C12orf56: variants seen among roughly 807,000 people sequenced by gnomAD.
C12orf56 encodes uncharacterized protein C12orf56.
C12orf56 carries 71 observed loss-of-function variants against 69.9 expected under a neutral mutation model. That is an observed-to-expected ratio of 1.02 (90% CI 0.84 to 1.24). The LOEUF (loss-of-function observed/expected upper bound fraction) is 1.24. Among genes scored for constraint, C12orf56 ranks in the 50% most tolerant of loss-of-function variants. The pLI is 0.00. For missense variants in C12orf56, 732 were observed against 738.5 expected (o/e 0.99, Z 0.10); for synonymous variants, 276 against 274.1 (o/e 1.01, Z -0.07).
chr12:64,368,435 A>G (rs1456837219), intron 1 of C12orf56, among the ~76,000 whole-genome samples: 1 of 152,054 alleles, frequency 6.6e-6, no homozygotes, highest in African/African-American at 2.4e-5. Context: ...GGAGTTTCTT[A>G]TCAAAGGCCT....
At position 64,331,008 on chromosome 12, in the gene C12orf56, G is replaced by T. The variant is rs1423154273; in HGVS notation, c.440C>A (p.Ala147Asp). ...TCTGGACTCTTTGCTTCTCCAAAAG[G>T]CAAGGCCGTTCTTTTCTTCCTTGAC... is the stretch of plus-strand genomic sequence containing the variant. ...KKVKEEKNGLAFWRSKESRSL... is the reference protein window; with the variant it reads ...KKVKEEKNGLDFWRSKESRSL... The change falls in exon 3 of 13, where the codon GCC becomes GAC. Residue 147 changes from alanine (A) to aspartate (D), a missense_variant. Physicochemically the swap from Ala to Asp is moderately radical, Grantham distance 126. Transcript: ENST00000543942. 6.4e-6 allele frequency: 10 copies of T among 1,553,202 alleles called. No homozygotes were observed. The highest frequency in any genetic ancestry group is 7.8e-6 in the Non-Finnish European group (9 of 1,148,088).
intron 8 of C12orf56, among the ~76,000 whole-genome samples, chr12:64,283,049 G>A (rs952978239): frequency 2.0e-5 from 3 of 151,942 alleles, no homozygotes; most frequent in Non-Finnish European, 4.4e-5. Flanking sequence ...GGCTGAGGCA[G>A]GAGAACCACT....
chr12:64,323,839 T>C (rs1477401783), intron 3 of C12orf56, among the ~76,000 whole-genome samples: 1 of 152,164 alleles, frequency 6.6e-6, no homozygotes, highest in Non-Finnish European at 1.5e-5. Context: ...CCTCTTTTAT[T>C]TTTCTAAATT....
At chr12:64,329,293 C>T (rs527327242) in intron 3 of C12orf56, among the ~76,000 whole-genome samples, 2 of 152,162 alleles carry the variant, frequency 1.3e-5, no homozygotes, top group South Asian at 4.1e-4. Context: ...CACGTAGTTT[C>T]TCTTTCCAGC....
intron 6 of C12orf56, among the ~76,000 whole-genome samples, chr12:64,287,265 A>G (rs1158529512): frequency 1.9e-5 from 1 of 51,802 alleles, no homozygotes; most frequent in Non-Finnish European, 4.4e-5. Context: ...AAAAAAAAAG[A>G]AGAAGAAGAA....
intron 2 of C12orf56, among the ~76,000 whole-genome samples, chr12:64,349,479 C>T (rs143069899): frequency 6.6e-6 from 1 of 152,268 alleles, no homozygotes; most frequent in African/African-American, 2.4e-5. Context: ...AGAAATAGAA[C>T]TACCATTAGA....
intron 2 of C12orf56, among the ~76,000 whole-genome samples, chr12:64,342,620 T>A (rs1042434900): frequency 6.6e-6 from 1 of 152,186 alleles, no homozygotes; most frequent in Non-Finnish European, 1.5e-5. Flanking sequence ...TTCCATTTGA[T>A]GATGGAATGC....
At chr12:64,300,970 G>T (rs779046105) in intron 6 of C12orf56, among the ~76,000 whole-genome samples, 2 of 152,156 alleles carry the variant, frequency 1.3e-5, no homozygotes, top group Non-Finnish European at 2.9e-5. Flanking sequence ...TTTCACGATG[G>T]TGAGGGAGTC....
At chr12:64,334,860 T>C (rs957952419) in intron 2 of C12orf56, among the ~76,000 whole-genome samples, 1 of 152,194 alleles carries the variant, frequency 6.6e-6, no homozygotes, top group Non-Finnish European at 1.5e-5. Flanking sequence ...GCCTGTAAGG[T>C]CTTTTCTGTT....
chr12:64,370,992 C>T (rs1043242905), intron 1 of C12orf56, among the ~76,000 whole-genome samples: 1 of 152,010 alleles, frequency 6.6e-6, no homozygotes, highest in African/African-American at 2.4e-5. Context: ...AGAGTGAGAC[C>T]CCATCTCTAA....
At chr12:64,293,025 C>G (rs2038313439) in intron 6 of C12orf56, among the ~76,000 whole-genome samples, 1 of 151,670 alleles carries the variant, frequency 6.6e-6, no homozygotes, top group African/African-American at 2.4e-5. Flanking sequence ...GTAGGACCCT[C>G]CGAGCCAGGT....
rs1565774573 is a variant in C12orf56, at chr12:64,360,896, G to T, written c.253-7840C>A. The stretch of plus-strand genomic sequence containing the variant: ...TATATCACACCATTTATATACATTT[G>T]ATAAATCAACTCTTTTAAGTGTAAT... On this transcript the variant is annotated intron_variant, in intron 1 of 12. Transcript: ENST00000543942. 2.0e-5 allele frequency among the ~76,000 whole-genome samples: 3 copies of T among 152,078 alleles called. No individual in the cohort carries two copies. The South Asian group carries it at 6.2e-4, about 31-fold the overall frequency.
chr12:64,340,776 C>G (rs1469739158), intron 2 of C12orf56, among the ~76,000 whole-genome samples: 1 of 152,208 alleles, frequency 6.6e-6, no homozygotes, highest in Non-Finnish European at 1.5e-5. Context: ...GTATTGATGA[C>G]TACCTTCTTC....
At chr12:64,321,735 C>T (rs1390282117) in intron 3 of C12orf56, among the ~76,000 whole-genome samples, 1 of 152,128 alleles carries the variant, frequency 6.6e-6, no homozygotes, top group African/African-American at 2.4e-5. Flanking sequence ...AGCTTTAGAG[C>T]AGACCTCTAA....
At chr12:64,284,865 A>G (rs1051275799) in intron 7 of C12orf56, 112 bp from the exon 8 acceptor site, 4 of 710,652 alleles carry the variant, frequency 5.6e-6, no homozygotes, top group Admixed American at 6.3e-5. Flanking sequence ...CATACAGAAA[A>G]AAGTACAGGA....
chr12:64,320,854 G>T (rs2038763306), intron 3 of C12orf56, among the ~76,000 whole-genome samples: 1 of 152,168 alleles, frequency 6.6e-6, no homozygotes, highest in African/African-American at 2.4e-5. Flanking sequence ...TTTTCCAGAA[G>T]AACAGATTCC....
intron 6 of C12orf56, among the ~76,000 whole-genome samples, chr12:64,301,754 A>C (rs1394766325): frequency 2.0e-5 from 3 of 152,192 alleles, no homozygotes; most frequent in Non-Finnish European, 1.5e-5. Context: ...CCAAAGAATA[A>C]GCAGCCCGAC....
intron 1 of C12orf56, among the ~76,000 whole-genome samples, chr12:64,377,952 G>T (rs1165600728): frequency 6.6e-6 from 1 of 152,116 alleles, no homozygotes; most frequent in Non-Finnish European, 1.5e-5. Context: ...TCAAATTCTG[G>T]TTCTGCCACT....
intron 5 of C12orf56, among the ~76,000 whole-genome samples, chr12:64,306,427 T>TA (rs942506958): frequency 1.5e-4 from 22 of 151,682 alleles, no homozygotes; most frequent in South Asian, 2.1e-4. Flanking sequence ...TTGTTTTTTT[T>TA]TTTTTTTTTA....
Sources: allele counts gnomAD v4.1 joint callset (sites outside exome capture counted in the v4.1 genomes callset), GRCh38; gene constraint gnomAD v4.1.1; transcripts MANE v1.5; gene names NCBI Gene and HGNC (gene_info 2026-07-23, HGNC 2026-07-21).